The following NOD1 variants were observed in gnomAD, a reference collection of about 807,000 sequenced individuals.
NOD1 encodes the protein nucleotide-binding oligomerization domain-containing protein 1.
In NOD1, 70 loss-of-function variants were observed where a neutral mutation model predicts 81.2. The ratio of observed to expected loss-of-function variants is 0.86; its 90% CI spans 0.71 to 1.05. The LOEUF is 1.05. Ranked by LOEUF, NOD1 falls within the 50% of genes least tolerant of loss-of-function variation. NOD1 has a pLI of 0.00. For synonymous variants in NOD1, 508 were observed against 526.9 expected (o/e 0.96, Z 0.49); for missense variants, 1,233 against 1,228.0 (o/e 1.00, Z -0.06).
chr7:30,467,235 A>G lies in NOD1; in HGVS notation c.-351-7194T>C, dbSNP rs570816295. Among the ~76,000 whole-genome samples the G allele has an allele frequency of 2.6e-5, 4 of 152,368 alleles. No homozygotes were observed. Among genetic ancestry groups the G allele is most frequent in the African/African-American group, 9.6e-5 (4 of 41,594 alleles). On this transcript the variant is annotated intron_variant, in intron 1 of 13. Transcript: ENST00000222823. The surrounding 1 kb of genome is among the most constrained non-coding windows in gnomAD (Gnocchi z 4.5). The stretch of plus-strand genomic sequence containing the variant: ...GTTCTCTATAGGCATACGCCCGTGA[A>G]TGTAAATGCAAAGAAAACCACCTGT...
chr7:30,450,915 A>G (rs1785621339), intron 6 of NOD1, among the ~76,000 whole-genome samples: 1 of 152,220 alleles, frequency 6.6e-6, no homozygotes, highest in African/African-American at 2.4e-5. Context: ...ATTCTCAACT[A>G]ACATTGGTCC....
chr7:30,469,275 C>T (rs1052774264), intron 1 of NOD1: 1 of 976,074 alleles, frequency 1.0e-6, no homozygotes, highest in East Asian at 1.1e-4. Flanking sequence ...TTATTGGAAG[C>T]TTTTTAACTC....
chr7:30,437,705 A>C (rs1784503631), intron 9 of NOD1, 49 bp from the exon 10 acceptor site: 3 of 1,355,306 alleles, frequency 2.2e-6, no homozygotes, highest in Non-Finnish European at 3.0e-6. Context: ...AGAAACAGCC[A>C]TGCTCACCCC....
intron 1 of NOD1, chr7:30,468,911 C>T (rs539829548): frequency 2.5e-5 from 25 of 985,396 alleles, no homozygotes; most frequent in African/African-American, 5.2e-5. Context: ...GTGGTGATGA[C>T]GTGAACAACA....
intron 1 of NOD1, among the ~76,000 whole-genome samples, chr7:30,474,868 A>T (rs1322816371): frequency 6.6e-6 from 1 of 152,224 alleles, no homozygotes; most frequent in Admixed American, 6.5e-5. Flanking sequence ...ATTTGAAATC[A>T]TCAACACGCC....
At chr7:30,477,363 C>A (rs1246842838) in intron 1 of NOD1, among the ~76,000 whole-genome samples, 2 of 152,232 alleles carry the variant, frequency 1.3e-5, no homozygotes, top group African/African-American at 4.8e-5. Context: ...TGGGTGAGAA[C>A]AGGGAATCCA....
intron 1 of NOD1, among the ~76,000 whole-genome samples, chr7:30,477,655 C>G (rs1336499633): frequency 6.6e-6 from 1 of 151,756 alleles, no homozygotes; most frequent in Non-Finnish European, 1.5e-5. Context: ...GCTGGGATTA[C>G]AGGCATGCGC....
At chr7:30,470,586 T>C (rs1273653513) in intron 1 of NOD1, among the ~76,000 whole-genome samples, 1 of 152,234 alleles carries the variant, frequency 6.6e-6, no homozygotes, top group Non-Finnish European at 1.5e-5. Context: ...TCACCAATAG[T>C]TTCTGTTGCT....
intron 1 of NOD1, among the ~76,000 whole-genome samples, chr7:30,471,982 G>C (rs1788321730): frequency 6.6e-6 from 1 of 152,194 alleles, no homozygotes; most frequent in African/African-American, 2.4e-5. Flanking sequence ...TTGAGCCTCA[G>C]TTCCCTCATC....
In NOD1 at chr7:30,467,344, GT is replaced by G. The variant is rs55720335; in HGVS notation, c.-351-7304del. ...GTAGGGTAGGACTTTTATTCGTAAT[GT>G]TTTTTTTTTTATAAGAAGGCTATAC... On this transcript the variant is annotated intron_variant, in intron 1 of 13. Transcript: ENST00000222823. The surrounding 1 kb of genome is among the most constrained non-coding windows in gnomAD (Gnocchi z 4.5). 4.2e-4 allele frequency among the ~76,000 whole-genome samples: 62 copies of G among 147,974 alleles called. No homozygotes were observed. Among genetic ancestry groups the G allele is most frequent in the African/African-American group, 9.2e-4 (37 of 40,274 alleles).
At chr7:30,427,866 C>G (rs1476958498) in intron 13 of NOD1, among the ~76,000 whole-genome samples, 4 of 152,204 alleles carry the variant, frequency 2.6e-5, no homozygotes, top group African/African-American at 9.6e-5. Context: ...GTTCTGTAGT[C>G]TGGCAGTCTC....
In NOD1 at chr7:30,469,302, CT is replaced by C. The variant is rs910806280; in HGVS notation, c.-351-9262del. ...TTTTAACTCCATTGACACTCACTGACTTTAAGTATCTGAAAGCACTTAATCC... is the reference window on the plus strand; with the variant it reads ...TTTTAACTCCATTGACACTCACTGACTTAAGTATCTGAAAGCACTTAATCC... On this transcript the variant is annotated intron_variant, in intron 1 of 13. Transcript: ENST00000222823. 1.3e-5 allele frequency: 12 copies of C among 926,228 alleles called. No individual in the cohort carries two copies. The African/African-American group carries it at 2.0e-4, about 15-fold the overall frequency. The allele number at this position is 926,228 out of a possible 1,614,324, so 57.4% of individuals were successfully genotyped here.
intron 11 of NOD1, chr7:30,433,490 CAA>C (rs773808965): frequency 5.8e-6 from 2 of 344,322 alleles, no homozygotes; most frequent in South Asian, 8.4e-5. Context: ...CCACGGAAAA[CAA>C]AGGGCCAATG....
chr7:30,431,989 C>A (rs915024620), intron 12 of NOD1, among the ~76,000 whole-genome samples: 2 of 152,118 alleles, frequency 1.3e-5, no homozygotes, highest in Non-Finnish European at 2.9e-5. Context: ...CCTGTAATCC[C>A]AACTACTCAG....
chr7:30,431,136 T>C (rs933989728), intron 12 of NOD1, among the ~76,000 whole-genome samples: 51 of 152,244 alleles, frequency 3.3e-4, no homozygotes, highest in African/African-American at 1.1e-3. Flanking sequence ...CCAGTGCAGG[T>C]TGGGAATGCA....
chr7:30,462,484 A>G (rs896339786), intron 1 of NOD1, among the ~76,000 whole-genome samples: 7 of 147,234 alleles, frequency 4.8e-5, no homozygotes, highest in Admixed American at 3.5e-4. Flanking sequence ...AGTCCTGGCT[A>G]TAATAGAATA....
chr7:30,450,710 C>A (rs1447262205), intron 6 of NOD1, among the ~76,000 whole-genome samples: 3 of 152,108 alleles, frequency 2.0e-5, no homozygotes, highest in Non-Finnish European at 4.4e-5. Context: ...TATCTCGGAG[C>A]CTTACATTAA....
Position 30,455,140 on chromosome 7 carries a change from G to A in NOD1, c.373C>T (p.Pro125Ser), listed in dbSNP as rs755862567. The A allele has an allele frequency of 6.2e-7, 1 of 1,613,746 alleles. No individual in the cohort carries two copies. The highest frequency in any genetic ancestry group is 8.5e-7 in the Non-Finnish European group (1 of 1,179,938). ...TCTTGCTGGGGCTGACTCCTACCTGGGTCAGTGTTGACCACGACTTTGCTC... is the reference window on the plus strand; with the variant it reads ...TCTTGCTGGGGCTGACTCCTACCTGAGTCAGTGTTGACCACGACTTTGCTC... ...TQSKVVVNTD[P>S]VSRYTQQLRH... The change falls in exon 5 of 14, where the codon CCA becomes TCA. Residue 125 changes from proline (P) to serine (S), a missense_variant. Coordinates refer to ENST00000222823, the MANE Select transcript of NOD1 (RefSeq NM_006092.4).
chr7:30,432,346 G>A (rs1784022695), intron 12 of NOD1, among the ~76,000 whole-genome samples: 1 of 152,100 alleles, frequency 6.6e-6, no homozygotes, highest in African/African-American at 2.4e-5. Flanking sequence ...CACATAAAAA[G>A]ACATTCAACA....
Sources: allele counts gnomAD v4.1 joint callset (sites outside exome capture counted in the v4.1 genomes callset), GRCh38; gene constraint gnomAD v4.1.1; non-coding constraint Gnocchi (gnomAD v3.1); transcripts MANE v1.5; gene names NCBI Gene and HGNC (gene_info 2026-07-23, HGNC 2026-07-21).